The following RAPGEF5 variants were observed in gnomAD, a reference collection of about 807,000 sequenced individuals.
RAPGEF5 encodes the protein M-Ras-regulated GEF.
In RAPGEF5, 65 loss-of-function variants were observed where a neutral mutation model predicts 125.2. That is an observed-to-expected ratio of 0.52 (90% CI 0.43 to 0.64). The LOEUF is 0.64. Ranked by LOEUF, RAPGEF5 falls within the 30% of genes least tolerant of loss-of-function variation. The pLI, the probability that RAPGEF5 is intolerant of heterozygous loss-of-function variation, is 0.00. For synonymous variants in RAPGEF5, 391 were observed against 385.9 expected (o/e 1.01, Z -0.16); for missense variants, 958 against 1,048.1 (o/e 0.91, Z 1.19).
chr7:22,274,763 G>C (rs1782518244), intron 6 of RAPGEF5, among the ~76,000 whole-genome samples: 1 of 152,018 alleles, frequency 6.6e-6, no homozygotes. Context: ...CTCCTACTCA[G>C]GCCTCTGTCT....
intron 6 of RAPGEF5, among the ~76,000 whole-genome samples, chr7:22,284,091 G>GCA (rs1562507578): frequency 4.6e-5 from 7 of 150,558 alleles, no homozygotes; most frequent in African/African-American, 1.5e-4. Flanking sequence ...GTGTGTGTGC[G>GCA]CGTGCATGTG....
intron 8 of RAPGEF5, among the ~76,000 whole-genome samples, chr7:22,221,288 G>A (rs1785782534): frequency 1.3e-5 from 2 of 152,144 alleles, no homozygotes; most frequent in South Asian, 4.1e-4. Context: ...AGCCAGGATT[G>A]TTGGAAAGTC....
intron 5 of RAPGEF5, among the ~76,000 whole-genome samples, chr7:22,293,831 C>T (rs984746757): frequency 1.3e-5 from 2 of 152,188 alleles, no homozygotes; most frequent in African/African-American, 4.8e-5. Flanking sequence ...GGCCACTCTC[C>T]TTTCTTTCAC....
chr7:22,287,085 C>T (rs1439399669), intron 6 of RAPGEF5, among the ~76,000 whole-genome samples: 2 of 152,186 alleles, frequency 1.3e-5, no homozygotes, highest in Non-Finnish European at 2.9e-5. Flanking sequence ...TTTTTGTAGA[C>T]TTTATGTAAT....
chr7:22,345,732 G>C (rs1784212109), intron 1 of RAPGEF5, among the ~76,000 whole-genome samples: 2 of 135,472 alleles, frequency 1.5e-5, no homozygotes, highest in Non-Finnish European at 3.1e-5. Flanking sequence ...AGAGTTATGT[G>C]CCAAGAGCAG....
At chr7:22,230,571 G>A (rs912129342) in intron 8 of RAPGEF5, among the ~76,000 whole-genome samples, 1 of 152,180 alleles carries the variant, frequency 6.6e-6, no homozygotes, top group Non-Finnish European at 1.5e-5. Context: ...TTCTTCAGGG[G>A]AATGTCTGCC....
intron 5 of RAPGEF5, among the ~76,000 whole-genome samples, chr7:22,295,451 C>T (rs17146586): frequency 0.15 from 22,324 of 152,086 alleles, 1,674 homozygotes; most frequent in South Asian, 0.2. Context: ...ATTTCAAATG[C>T]TAATATAATC....
intron 9 of RAPGEF5, among the ~76,000 whole-genome samples, chr7:22,203,187 C>T (rs1785318915): frequency 6.6e-6 from 1 of 152,082 alleles, no homozygotes; most frequent in Admixed American, 6.5e-5. Context: ...ACGGAACCTG[C>T]AGAAAAGGAG....
At chr7:22,129,241 C>T (rs982894451) in intron 24 of RAPGEF5, among the ~76,000 whole-genome samples, 1 of 152,056 alleles carries the variant, frequency 6.6e-6, no homozygotes, top group Non-Finnish European at 1.5e-5. Flanking sequence ...CACTGGTTCA[C>T]TTTAGGGAGG....
intron 8 of RAPGEF5, among the ~76,000 whole-genome samples, chr7:22,227,263 G>A (rs182628045): frequency 1.1e-4 from 17 of 151,826 alleles, no homozygotes; most frequent in African/African-American, 3.9e-4. Flanking sequence ...AAGCAAACTC[G>A]AATAATATCA....
chr7:22,140,133 G>A lies in RAPGEF5; in HGVS notation c.2187-18C>T. 1 of 1,536,820 alleles carries A rather than the reference G, an allele frequency of 6.5e-7. No homozygotes were observed. The highest frequency in any genetic ancestry group is 8.8e-7 in the Non-Finnish European group (1 of 1,133,258). ...CTTTGCAGCTATAAAATAAAAGAGA[G>A]TAGAGGACACTTTGAGGAAACATTC... On this transcript the variant is annotated intron_variant, in intron 20 of 25. Transcript: ENST00000665637.
chr7:22,193,407 C>T lies in RAPGEF5; in HGVS notation c.1164G>A (p.Leu388=). 6.3e-7 allele frequency: 1 copy of T among 1,597,124 alleles called. No homozygotes were observed. The highest frequency in any genetic ancestry group is 8.5e-7 in the Non-Finnish European group (1 of 1,171,336). The change falls in exon 11 of 26, where the codon TTG becomes TTA. Residue 388 remains leucine, a synonymous_variant. Coordinates refer to ENST00000665637, the MANE Select transcript of RAPGEF5 (RefSeq NM_012294.5). ...GGACTTCTTCCAGGTGCAAGTCATT[C>T]AAAAGGTGCTCCAAAATCTTCTCCG... ...GTPEKILEHL[L]NDLHLEEVQD...
chr7:22,288,446 A>C (rs1782849048), intron 6 of RAPGEF5, among the ~76,000 whole-genome samples: 1 of 151,670 alleles, frequency 6.6e-6, no homozygotes, highest in Middle Eastern at 3.4e-3. Flanking sequence ...CCAATCATGC[A>C]AGTTCAGAAC....
At chr7:22,180,213 G>A (rs759634225) in intron 11 of RAPGEF5, among the ~76,000 whole-genome samples, 1 of 152,104 alleles carries the variant, frequency 6.6e-6, no homozygotes, top group African/African-American at 2.4e-5. Context: ...CTTAACATAA[G>A]CTTCTATTTA....
chr7:22,128,977 C>A (rs1782832930), intron 24 of RAPGEF5, among the ~76,000 whole-genome samples: 3 of 152,164 alleles, frequency 2.0e-5, no homozygotes, highest in Non-Finnish European at 2.9e-5. Context: ...ATCATTTAGA[C>A]CTCCTTCATT....
intron 3 of RAPGEF5, among the ~76,000 whole-genome samples, chr7:22,311,341 T>C (rs1783465996): frequency 6.6e-6 from 1 of 152,190 alleles, no homozygotes; most frequent in African/African-American, 2.4e-5. Flanking sequence ...TAATGTATCA[T>C]ATAATGACTA....
rs117006875 is a variant in RAPGEF5 at position 22,319,165 on chromosome 7, C to T, written c.232-1128G>A. ...TCCTATTGCAGTATTAAAAAAAGAA[C>T]AGAGAAACTAACATTTATTGAACTT... is the stretch of plus-strand genomic sequence containing the variant. On this transcript the variant is annotated intron_variant, in intron 1 of 25. Transcript: ENST00000665637. Among the ~76,000 whole-genome samples, 442 of 152,200 alleles carry T rather than the reference C, an allele frequency of 2.9e-3. 4 individuals are homozygous for T. In the East Asian group the frequency reaches 0.036, roughly 12 times the overall value.
chr7:22,136,540 T>A (rs1783083494), intron 22 of RAPGEF5, among the ~76,000 whole-genome samples: 1 of 152,070 alleles, frequency 6.6e-6, no homozygotes, highest in South Asian at 2.1e-4. Context: ...TTTTTTTGTA[T>A]TCTAAAAAGA....
At chr7:22,175,571 A>G (rs1393839918) in intron 11 of RAPGEF5, among the ~76,000 whole-genome samples, 2 of 152,178 alleles carry the variant, frequency 1.3e-5, no homozygotes, top group Non-Finnish European at 2.9e-5. Context: ...AGCATCTACC[A>G]ACAAAAATTA....
Sources: allele counts gnomAD v4.1 joint callset (sites outside exome capture counted in the v4.1 genomes callset), GRCh38; gene constraint gnomAD v4.1.1; transcripts MANE v1.5; gene names NCBI Gene and HGNC (gene_info 2026-07-23, HGNC 2026-07-21).